Variants in SPATA13 observed in about 807,000 individuals in gnomAD.
SPATA13 encodes spermatogenesis associated 13, also known as spermatogenesis-associated protein 13.
In SPATA13, 50 loss-of-function variants were observed where a neutral mutation model predicts 104.0. That is an observed-to-expected ratio of 0.48 (90% confidence interval 0.38 to 0.61). The LOEUF is 0.61. SPATA13 is among the 20% of genes least tolerant of loss of function. The probability of loss-of-function intolerance (pLI) is 0.00; values close to 1 mark genes in which losing one functional copy is unlikely to be tolerated. For synonymous variants in SPATA13, 606 were observed against 667.5 expected, an observed-to-expected ratio of 0.91 and a Z score of 1.42; for missense variants, 1,524 against 1,690.6, an observed-to-expected ratio of 0.90 and a Z score of 1.73.
At chr13:24,047,641 C>T (rs1021095745) in intron 3 of SPATA13, among the ~76,000 whole-genome samples, 44 of 152,264 alleles carry the variant, frequency 2.9e-4, no homozygotes, top group African/African-American at 1.1e-3. Context: ...CCAATTTATA[C>T]TCCCAATATA....
chr13:24,204,187 G>C (rs1870573306), intron 1 of SPATA13, among the ~76,000 whole-genome samples: 1 of 152,130 alleles, frequency 6.6e-6, no homozygotes, highest in Non-Finnish European at 1.5e-5. Context: ...TTATGTGTTA[G>C]ATACAGTTAC....
intron 3 of SPATA13, among the ~76,000 whole-genome samples, chr13:24,134,649 TCATTTAAGAAC>T (rs1401830368): frequency 6.6e-6 from 1 of 152,138 alleles, no homozygotes; most frequent in African/African-American, 2.4e-5. Context: ...TGGCTTTTAC[TCATTTAAGAAC>T]CACTGACTTG....
At chr13:24,265,354 C>T (rs1874252066) in intron 4 of SPATA13, among the ~76,000 whole-genome samples, 1 of 152,334 alleles carries the variant, frequency 6.6e-6, no homozygotes, top group Middle Eastern at 3.4e-3. Flanking sequence ...AAAGTAGCAT[C>T]ACTGTGACCT....
At chr13:24,055,910 G>A (rs1046593462) in intron 3 of SPATA13, among the ~76,000 whole-genome samples, 2 of 152,230 alleles carry the variant, frequency 1.3e-5, no homozygotes, top group Non-Finnish European at 2.9e-5. Context: ...GACAAATGGC[G>A]TTGGCAATGC....
chr13:24,278,121 G>T (rs149458363), intron 4 of SPATA13, among the ~76,000 whole-genome samples: 2 of 152,150 alleles, frequency 1.3e-5, no homozygotes, highest in East Asian at 3.8e-4. Flanking sequence ...AGGACATACG[G>T]CTGCTCTCCA....
chr13:24,249,735 G>A lies in SPATA13; in HGVS notation c.1912G>A (p.Val638Met). 2 of 1,614,102 alleles carry A rather than the reference G, an allele frequency of 1.2e-6. No homozygotes were observed. The highest frequency in any genetic ancestry group is 2.2e-5 in the South Asian group (2 of 91,084). The change falls in exon 3 of 13, where the codon GTG becomes ATG. Residue 638 changes from valine to methionine, a missense_variant. This residue lies in a region of SPATA13 where 1,089 missense variants were observed against 1,135.9 expected (regional missense o/e 0.96). Coordinates refer to ENST00000382108, the MANE Select transcript of SPATA13 (RefSeq NM_001166271.3). ...CAGCCCTGAAGACCAGAATGCTCCA[G>A]TGGGCTGCCCCAAAGGAGCCCGGAG... ...SASPEDQNAPVGCPKGARRRR... is the reference protein window; with the variant it reads ...SASPEDQNAPMGCPKGARRRR...
intron 3 of SPATA13, among the ~76,000 whole-genome samples, chr13:24,130,743 A>C (rs1041670062): frequency 6.6e-6 from 1 of 152,236 alleles, no homozygotes; most frequent in African/African-American, 2.4e-5. Context: ...TTACCAGATG[A>C]CTGTGAAGAC....
chr13:24,044,947 G>GT (rs1878080321), intron 3 of SPATA13, among the ~76,000 whole-genome samples: 1 of 152,150 alleles, frequency 6.6e-6, no homozygotes, highest in South Asian at 2.1e-4. Context: ...CAAAGTTACA[G>GT]TTAGATAGGA....
At chr13:24,298,725 G>A (rs984593425) in intron 11 of SPATA13, among the ~76,000 whole-genome samples, 1 of 152,176 alleles carries the variant, frequency 6.6e-6, no homozygotes, top group Non-Finnish European at 1.5e-5. Context: ...TAAAAACCAG[G>A]AGGTGCTTTT....
intron 3 of SPATA13, among the ~76,000 whole-genome samples, chr13:24,065,499 T>C (rs1479499378): frequency 6.6e-6 from 1 of 152,138 alleles, no homozygotes; most frequent in Non-Finnish European, 1.5e-5. Flanking sequence ...TGAGCAAGTC[T>C]TACCCCAGCC....
At chr13:24,180,523 C>T (rs568984436) in intron 1 of SPATA13, among the ~76,000 whole-genome samples, 10 of 152,286 alleles carry the variant, frequency 6.6e-5, no homozygotes, top group Non-Finnish European at 1.3e-4. Context: ...GCAAATCATG[C>T]AAAGTCGTCA....
chr13:24,264,417 A>T (rs1874199425), intron 4 of SPATA13, among the ~76,000 whole-genome samples: 1 of 151,182 alleles, frequency 6.6e-6, no homozygotes, highest in African/African-American at 2.4e-5. Flanking sequence ...CCTTAGAAAT[A>T]TTCGGTAACT....
chr13:24,072,502 C>G (rs562080592), intron 3 of SPATA13, among the ~76,000 whole-genome samples: 281 of 152,282 alleles, frequency 1.8e-3, no homozygotes, highest in South Asian at 2.7e-3. Context: ...TTCTGATGCA[C>G]CTACTTCACT....
intron 3 of SPATA13, among the ~76,000 whole-genome samples, chr13:24,136,922 C>T (rs1278998591): frequency 9.5e-6 from 1 of 105,200 alleles, no homozygotes; most frequent in Non-Finnish European, 2.1e-5. Flanking sequence ...CTCCGCCTCC[C>T]AGGTTCACGC....
intron 1 of SPATA13, among the ~76,000 whole-genome samples, chr13:24,202,058 G>A (rs7318607): frequency 0.67 from 101,521 of 151,580 alleles, 34,214 homozygotes; most frequent in South Asian, 0.81. Context: ...GGGGGACAGA[G>A]CAAGACTCTG....
rs566799486 is a variant in SPATA13, at chr13:24,097,719, G to A, written c.-112+80018G>A. On this transcript the variant is annotated intron_variant, in intron 3 of 14. Coordinates refer to the SPATA13 transcript ENST00000424834. Reference sequence around the variant, plus strand: ...CAAGAGAAAAGAGAGGGAACCAACCGGGTACCTGGATCATGTAAGGAGAGG... The same window carrying A: ...CAAGAGAAAAGAGAGGGAACCAACCAGGTACCTGGATCATGTAAGGAGAGG... Among the ~76,000 whole-genome samples, 6 of 152,308 alleles carry A rather than the reference G, an allele frequency of 3.9e-5. No individual in the cohort carries two copies. The South Asian group carries it at 6.2e-4, about 16-fold the overall frequency.
intron 2 of SPATA13, among the ~76,000 whole-genome samples, chr13:24,244,304 C>A (rs748780186): frequency 3.7e-4 from 57 of 152,346 alleles, no homozygotes; most frequent in Non-Finnish European, 6.6e-4. Flanking sequence ...TAAATAAAAT[C>A]TCACAGGTAC....
At chr13:24,080,934 A>G (rs1593316788) in intron 3 of SPATA13, among the ~76,000 whole-genome samples, 1 of 152,156 alleles carries the variant, frequency 6.6e-6, no homozygotes, top group African/African-American at 2.4e-5. Context: ...CCTCCTGGAA[A>G]CACACGTACC....
intron 1 of SPATA13, among the ~76,000 whole-genome samples, chr13:24,194,734 T>C (rs558357369): frequency 2.0e-5 from 3 of 152,344 alleles, no homozygotes; most frequent in Admixed American, 1.3e-4. Context: ...CTATTAAAAA[T>C]TCTACGTGCT....
Sources: allele counts gnomAD v4.1 joint callset (sites outside exome capture counted in the v4.1 genomes callset), GRCh38; gene constraint gnomAD v4.1.1; regional missense constraint gnomAD v4.1.1; transcripts MANE v1.5; gene names NCBI Gene and HGNC (gene_info 2026-07-23, HGNC 2026-07-21).